The following PDE3A variants were observed in gnomAD, a reference collection of about 807,000 sequenced individuals.
The protein encoded by PDE3A is cGMP-inhibited 3',5'-cyclic phosphodiesterase 3A.
PDE3A carries 43 observed loss-of-function variants against 98.3 expected under a neutral mutation model. The ratio of observed to expected loss-of-function variants is 0.44; its 90% CI spans 0.34 to 0.56. The LOEUF is 0.56. Among genes scored for constraint, PDE3A ranks in the 20% least tolerant of loss-of-function variants. The pLI is 0.01. For synonymous variants in PDE3A, 663 were observed against 567.9 expected, an observed-to-expected ratio of 1.17 and a Z score of -2.38; for missense variants, 1,427 against 1,440.7, an observed-to-expected ratio of 0.99 and a Z score of 0.15.
At chr12:20,633,217 C>T (rs1944422267) in intron 6 of PDE3A, among the ~76,000 whole-genome samples, 3 of 152,166 alleles carry the variant, frequency 2.0e-5, no homozygotes, top group Non-Finnish European at 2.9e-5. Flanking sequence ...TCGAAAAGTG[C>T]TGGGATTACA....
intron 2 of PDE3A, among the ~76,000 whole-genome samples, chr12:20,609,478 CA>C (rs1290480855): frequency 6.6e-6 from 1 of 151,846 alleles, no homozygotes; most frequent in Non-Finnish European, 1.5e-5. Context: ...TTATACTACC[CA>C]AAGAAATATA....
intron 10 of PDE3A, among the ~76,000 whole-genome samples, chr12:20,641,441 G>A (rs534951797): frequency 1.9e-4 from 29 of 152,078 alleles, no homozygotes; most frequent in African/African-American, 5.8e-4. Context: ...AAGTGTTCAC[G>A]ATTTCTCGAA....
intron 1 of PDE3A, among the ~76,000 whole-genome samples, chr12:20,399,892 T>C (rs1944089304): frequency 6.6e-6 from 1 of 152,222 alleles, no homozygotes; most frequent in South Asian, 2.1e-4. Context: ...AGCAATCATT[T>C]GTGTATTTGT....
chr12:20,526,893 TG>T (rs1234002744), intron 1 of PDE3A, among the ~76,000 whole-genome samples: 2 of 101,708 alleles, frequency 2.0e-5, no homozygotes, highest in African/African-American at 4.0e-5. Context: ...TCTGTGTGTG[TG>T]TGTGTGTGTG....
chr12:20,515,943 G>T (rs1164518239), intron 1 of PDE3A, among the ~76,000 whole-genome samples: 6 of 150,116 alleles, frequency 4.0e-5, no homozygotes, highest in African/African-American at 7.3e-5. Flanking sequence ...CGTTTTAGCC[G>T]GGATGGTCTC....
Position 20,650,517 on chromosome 12 carries a change from T to C in PDE3A, c.2842T>C (p.Leu948=), listed in dbSNP as rs772918360. The C allele has an allele frequency of 5.2e-5, 84 of 1,610,364 alleles. No homozygotes were observed. Among genetic ancestry groups the C allele is most frequent in the Admixed American group, 4.3e-4 (26 of 59,990 alleles). ...ACTGGTTTGTCAAATGTGTATAAAG[T>C]TGGCTGATATCAATGGTCCAGCTAA... ...RLLVCQMCIK[L]ADINGPAKCK... is the part of the protein sequence containing the mutation. Residue 948 remains leucine (L), a synonymous_variant, in exon 14 of 16, where the codon TTG becomes CTG. Transcript: ENST00000359062.
intron 1 of PDE3A, among the ~76,000 whole-genome samples, chr12:20,432,842 C>A (rs1944719922): frequency 6.6e-6 from 1 of 152,036 alleles, no homozygotes; most frequent in Non-Finnish European, 1.5e-5. Flanking sequence ...ATGAAGTAAT[C>A]AAAATGTATC....
chr12:20,680,286 G>GATCTGTTCTGAA lies in PDE3A; in HGVS notation c.*15_*16insATCTGTTCTGAA. ...CAGACCAGTGACAATGGATAGAATG[G>GATCTGTTCTGAA]GCTGTGTTTCCAAACAGATTGACTT... On this transcript the variant is annotated 3_prime_UTR_variant, in exon 16 of 16. Coordinates refer to ENST00000359062, the MANE Select transcript of PDE3A (RefSeq NM_000921.5). The GATCTGTTCTGAA allele has an allele frequency of 6.2e-7, 1 of 1,612,878 alleles. No homozygotes were observed. Among genetic ancestry groups the GATCTGTTCTGAA allele is most frequent in the Non-Finnish European group, 8.5e-7 (1 of 1,179,284 alleles).
At chr12:20,460,683 A>T (rs1359700656) in intron 1 of PDE3A, among the ~76,000 whole-genome samples, 1 of 152,228 alleles carries the variant, frequency 6.6e-6, no homozygotes, top group East Asian at 1.9e-4. Context: ...CAAGATTATT[A>T]GCAAATTTTC....
Position 20,422,162 on chromosome 12 carries a change from C to A in PDE3A, c.960+51918C>A, listed in dbSNP as rs10732535. 2.8e-4 allele frequency among the ~76,000 whole-genome samples: 43 copies of A among 151,954 alleles called. No individual in the cohort carries two copies. The East Asian group carries it at 4.7e-3, about 17-fold the overall frequency. ...GAGATCGAGACCATCCTGGCTAACA[C>A]GGTGAAACTCCATCTCTACTAAAAA... On this transcript the variant is annotated intron_variant, in intron 1 of 15. Transcript: ENST00000359062.
chr12:20,545,614 T>C (rs7303620), intron 1 of PDE3A, among the ~76,000 whole-genome samples: 71,563 of 151,604 alleles, frequency 0.47, 18,475 homozygotes, highest in South Asian at 0.59. Flanking sequence ...CTAATTTGTC[T>C]GAAGGTTTAC....
At chr12:20,649,045 C>T (rs916667896) in intron 13 of PDE3A, among the ~76,000 whole-genome samples, 154 bp downstream of exon 13, 5 of 150,468 alleles carry the variant, frequency 3.3e-5, no homozygotes, top group Admixed American at 6.7e-5. Flanking sequence ...CCTGCCTCAA[C>T]GTCCCGAGTA....
intron 1 of PDE3A, among the ~76,000 whole-genome samples, chr12:20,401,270 ATCT>A (rs1944125654): frequency 6.6e-6 from 1 of 152,204 alleles, no homozygotes; most frequent in South Asian, 2.1e-4. Flanking sequence ...ACCACACTAC[ATCT>A]TCTTGATGTA....
intron 10 of PDE3A, among the ~76,000 whole-genome samples, chr12:20,640,363 A>G (rs1461359295): frequency 6.6e-6 from 1 of 152,140 alleles, no homozygotes; most frequent in Non-Finnish European, 1.5e-5. Flanking sequence ...TGCCCATTTA[A>G]TAACCCATCC....
chr12:20,523,933 A>G (rs11045293), intron 1 of PDE3A, among the ~76,000 whole-genome samples: 55,315 of 152,020 alleles, frequency 0.36, 10,544 homozygotes, highest in Non-Finnish European at 0.41. Context: ...CAAGTTTATT[A>G]CTTTATATGT....
At chr12:20,616,778 C>T (rs559672827) in intron 4 of PDE3A, among the ~76,000 whole-genome samples, 9 of 152,104 alleles carry the variant, frequency 5.9e-5, no homozygotes, top group South Asian at 4.2e-4. Flanking sequence ...TAGCCTCCCA[C>T]AAGACCAGCT....
chr12:20,676,808 T>C (rs1185738162), intron 15 of PDE3A, among the ~76,000 whole-genome samples: 1 of 152,168 alleles, frequency 6.6e-6, no homozygotes, highest in Non-Finnish European at 1.5e-5. Flanking sequence ...CATCTTTGAC[T>C]TTTGAAAGTT....
At chr12:20,665,258 AC>A (rs528997039) in intron 15 of PDE3A, among the ~76,000 whole-genome samples, 3 of 152,222 alleles carry the variant, frequency 2.0e-5, no homozygotes, top group African/African-American at 4.8e-5. Context: ...ACATTTTGGT[AC>A]ATATCAGGTG....
chr12:20,521,620 C>A (rs1480137820), intron 1 of PDE3A, among the ~76,000 whole-genome samples: 1 of 152,138 alleles, frequency 6.6e-6, no homozygotes, highest in African/African-American at 2.4e-5. Flanking sequence ...ATCAAATGCT[C>A]ATGGAAATGT....
Sources: allele counts gnomAD v4.1 joint callset (sites outside exome capture counted in the v4.1 genomes callset), GRCh38; gene constraint gnomAD v4.1.1; transcripts MANE v1.5; gene names NCBI Gene and HGNC (gene_info 2026-07-23, HGNC 2026-07-21).